The following RBFOX3 variants were observed in gnomAD, a reference collection of about 807,000 sequenced individuals.
RBFOX3 encodes RNA binding fox-1 homolog 3.
Under a neutral mutation model 48.7 loss-of-function variants are expected in RBFOX3, and 17 were observed. The observed-to-expected ratio is 0.35, with a 90% CI of 0.24 to 0.52. RBFOX3 has a LOEUF of 0.52. RBFOX3 is among the 20% of genes least tolerant of loss of function. The pLI, the probability that RBFOX3 is intolerant of heterozygous loss-of-function variation, is 0.94. For synonymous variants in RBFOX3, 212 were observed against 209.5 expected, an observed-to-expected ratio of 1.01 and a Z score of -0.10; for missense variants, 382 against 497.5, an observed-to-expected ratio of 0.77 and a Z score of 2.21.
the RBFOX3 span, among the ~76,000 whole-genome samples, chr17:79,634,409 G>A: frequency 6.6e-6 from 1 of 152,164 alleles, no homozygotes; most frequent in South Asian, 2.1e-4. Flanking sequence ...CTGTCCTCAA[G>A]ACAGGCTAAA....
At chr17:79,638,393 T>A in the RBFOX3 span, among the ~76,000 whole-genome samples, 1 of 150,298 alleles carries the variant, frequency 6.7e-6, no homozygotes, top group African/African-American at 2.4e-5. Flanking sequence ...AAGTCAGAAA[T>A]TTTAAAAGAG....
At chr17:79,247,269 C>T (rs1199020400) in intron 3 of RBFOX3, among the ~76,000 whole-genome samples, 2 of 149,524 alleles carry the variant, frequency 1.3e-5, no homozygotes, top group Non-Finnish European at 3.0e-5. Context: ...TGGCTGGCTT[C>T]GGTAATGCCA....
chr17:79,209,017 C>T (rs890460250), intron 4 of RBFOX3, among the ~76,000 whole-genome samples: 42 of 151,928 alleles, frequency 2.8e-4, no homozygotes, highest in African/African-American at 9.9e-4. Flanking sequence ...GACAGGGTTT[C>T]ACCGTGTTAG....
intron 1 of RBFOX3, among the ~76,000 whole-genome samples, chr17:79,577,137 G>A (rs1296933573): frequency 6.6e-6 from 1 of 152,170 alleles, no homozygotes; most frequent in African/African-American, 2.4e-5. Context: ...ACCCCAAGAA[G>A]TGATCTTGGC....
chr17:79,602,869 C>T (rs982511017), intron 1 of RBFOX3, among the ~76,000 whole-genome samples: 2 of 152,240 alleles, frequency 1.3e-5, no homozygotes, highest in East Asian at 3.9e-4. Flanking sequence ...GCTTCCTTTC[C>T]TCTCCCTCAT....
At chr17:79,555,544 ATGGTGG>A (rs2091636388) in intron 1 of RBFOX3, among the ~76,000 whole-genome samples, 1 of 104,796 alleles carries the variant, frequency 9.5e-6, no homozygotes, top group Non-Finnish European at 2.0e-5. Context: ...GGTGGTGGTG[ATGGTGG>A]TGATGATGGT....
intron 2 of RBFOX3, among the ~76,000 whole-genome samples, chr17:79,455,115 A>G (rs1486043278): frequency 2.0e-5 from 3 of 151,990 alleles, no homozygotes; most frequent in African/African-American, 2.4e-5. Flanking sequence ...GGGTGTGCAC[A>G]GGCCCGGCAG....
chr17:79,141,312 T>A (rs1234185977), intron 4 of RBFOX3, among the ~76,000 whole-genome samples: 13 of 152,120 alleles, frequency 8.5e-5, no homozygotes, highest in Non-Finnish European at 7.4e-5. Flanking sequence ...AGGACACTGT[T>A]GGGGGCCAGC....
intron 1 of RBFOX3, among the ~76,000 whole-genome samples, chr17:79,560,546 A>C: frequency 6.6e-6 from 1 of 152,124 alleles, no homozygotes; most frequent in East Asian, 1.9e-4. Flanking sequence ...TGCCCACCCG[A>C]CCATGGCGTG....
chr17:79,566,282 A>G (rs2092450767), intron 1 of RBFOX3, among the ~76,000 whole-genome samples: 1 of 152,212 alleles, frequency 6.6e-6, no homozygotes, highest in Non-Finnish European at 1.5e-5. Context: ...GTCTTGCCAT[A>G]GTCCCTATTT....
upstream of RBFOX3, among the ~76,000 whole-genome samples, chr17:79,615,617 G>A (rs987607696): frequency 7.2e-5 from 11 of 152,326 alleles, no homozygotes; most frequent in South Asian, 2.1e-4. Flanking sequence ...GTGCCCGGCC[G>A]GCTCGGGCCG....
At chr17:79,248,686 G>A (rs984406876) in intron 3 of RBFOX3, among the ~76,000 whole-genome samples, 18 of 152,204 alleles carry the variant, frequency 1.2e-4, no homozygotes, top group African/African-American at 4.3e-4. Context: ...CTCCTCCAGA[G>A]GATTCTCACC....
chr17:79,137,749 T>A (rs947997051), intron 4 of RBFOX3, among the ~76,000 whole-genome samples: 1 of 152,236 alleles, frequency 6.6e-6, no homozygotes, highest in Admixed American at 6.5e-5. Flanking sequence ...TTCAGCTGAT[T>A]AAATGTCCCT....
chr17:79,143,202 G>C (rs949315853), intron 4 of RBFOX3, among the ~76,000 whole-genome samples: 1 of 152,158 alleles, frequency 6.6e-6, no homozygotes, highest in Admixed American at 6.5e-5. Context: ...TGACCGTGGC[G>C]ACTAGCACTG....
chr17:79,653,608 G>A, the RBFOX3 span, among the ~76,000 whole-genome samples: 7 of 152,152 alleles, frequency 4.6e-5, no homozygotes, highest in African/African-American at 1.4e-4. Context: ...CGATAGCTTC[G>A]AGTGTATAAG....
chr17:79,546,418 G>C (rs1230975838), intron 1 of RBFOX3, among the ~76,000 whole-genome samples: 1 of 152,168 alleles, frequency 6.6e-6, no homozygotes, highest in East Asian at 1.9e-4. Flanking sequence ...AATAAGCACA[G>C]AGCCCTATCT....
Position 79,423,478 on chromosome 17 carries a change from G to T in RBFOX3, c.-175+58976C>A, listed in dbSNP as rs565502981. Among the ~76,000 whole-genome samples the T allele has an allele frequency of 1.1e-4, 16 of 152,162 alleles. No individual in the cohort carries two copies. In the South Asian group the frequency reaches 3.3e-3, roughly 32 times the overall value. ...GGCTATTCTCAGCACAGCAGCCAAAGAGATTCCTTTAAAATAGAAGTCACA... is the reference window on the plus strand; with the variant it reads ...GGCTATTCTCAGCACAGCAGCCAAATAGATTCCTTTAAAATAGAAGTCACA... On this transcript the variant is annotated intron_variant, in intron 2 of 14. Coordinates refer to ENST00000693108, the MANE Select transcript of RBFOX3 (RefSeq NM_001350451.2). The surrounding 1 kb of genome is among the most constrained non-coding windows in gnomAD (Gnocchi z 4.9).
chr17:79,278,123 C>T lies in RBFOX3; in HGVS notation c.-74+29601G>A, dbSNP rs541242294. Among the ~76,000 whole-genome samples the T allele has an allele frequency of 1.8e-4, 28 of 152,258 alleles. No individual in the cohort carries two copies. In the South Asian group the frequency reaches 5.8e-3, roughly 32 times the overall value. On this transcript the variant is annotated intron_variant, in intron 3 of 14. Transcript: ENST00000693108. ...GGGCCACATCTGGAATTGAGATGGC[C>T]CCAGGAAGGCTGGGAGGCTGGCCCG...
intron 1 of RBFOX3, among the ~76,000 whole-genome samples, chr17:79,534,873 C>G (rs1568387276): frequency 6.6e-6 from 1 of 152,196 alleles, no homozygotes; most frequent in South Asian, 2.1e-4. Context: ...TCGTCGCCCC[C>G]TCGGAAGTCG....
Sources: gnomAD v4.1 joint callset for allele counts (sites outside exome capture counted in the v4.1 genomes callset) on GRCh38, gnomAD v4.1.1 for gene constraint, Gnocchi (gnomAD v3.1) non-coding constraint, MANE v1.5 for transcripts, NCBI Gene and HGNC (gene_info 2026-07-23, HGNC 2026-07-21) for gene names.